Variants in PROCA1 observed in about 807,000 individuals in gnomAD.
The protein encoded by PROCA1 is protein PROCA1.
Under a neutral mutation model 23.2 loss-of-function variants are expected in PROCA1, and 22 were observed. That is an observed-to-expected ratio of 0.95 (90% CI 0.68 to 1.35). The LOEUF (loss-of-function observed/expected upper bound fraction) is 1.35. Ranked by LOEUF, PROCA1 falls within the 40% of genes most tolerant of loss-of-function variation. The pLI, the probability that PROCA1 is intolerant of heterozygous loss-of-function variation, is 0.00. For synonymous variants in PROCA1, 182 were observed against 179.2 expected (o/e 1.02, Z -0.12); for missense variants, 469 against 459.8 (o/e 1.02, Z -0.18).
intron 1 of PROCA1, among the ~76,000 whole-genome samples, chr17:28,708,898 G>A (rs12950047): frequency 0.42 from 64,444 of 151,974 alleles, 16,670 homozygotes; most frequent in Non-Finnish European, 0.57. Flanking sequence ...AGGAGGCTGA[G>A]GTGGGAGGAT....
At position 28,708,794 on chromosome 17, in the gene PROCA1, G is replaced by A. The variant is rs548265999; in HGVS notation, c.92-2031C>T. Among the ~76,000 whole-genome samples, 238 of 150,024 alleles carry A rather than the reference G, an allele frequency of 1.6e-3. 1 individual carries two copies. The highest frequency in any genetic ancestry group is 5.5e-3 in the African/African-American group (225 of 40,826). ...GGGAAGATCACAAGTCCAGGAGTTCGAGACCAGCCTGGGCAACATGGCAAA... is the reference window on the plus strand; with the variant it reads ...GGGAAGATCACAAGTCCAGGAGTTCAAGACCAGCCTGGGCAACATGGCAAA... On this transcript the variant is annotated intron_variant, in intron 1 of 4. Transcript: ENST00000682792.
At position 28,711,456 on chromosome 17, in the gene PROCA1, T is replaced by C. The variant is rs1597743836; in HGVS notation, c.91+114A>G. ...CCCCGGCCCAGCACTGGGCCCCGCCTCTCTCGTTGGTTTGCCCGTCTCCCT... is the reference window on the plus strand; with the variant it reads ...CCCCGGCCCAGCACTGGGCCCCGCCCCTCTCGTTGGTTTGCCCGTCTCCCT... On this transcript the variant is annotated intron_variant, in intron 1 of 4. Coordinates refer to ENST00000682792, the MANE Select transcript of PROCA1 (RefSeq NM_001366301.1). The C allele has an allele frequency of 5.8e-6, 5 of 855,634 alleles. No homozygotes were observed. In the East Asian group the frequency reaches 8.9e-5, roughly 15 times the overall value. 53.0% of individuals were successfully genotyped at this position (855,634 alleles called of 1,614,324 possible). A position where few individuals can be genotyped will look rare whatever the true frequency, so the allele number is the denominator to read the frequency against.
Position 28,703,287 on chromosome 17 carries a change from CAG to C in PROCA1, c.*269_*270del, listed in dbSNP as rs1469502462. ...TTTCACACAGACCAGTCTCTCGCAG[CAG>C]AGAGGGGAAGCCCTCCTTCCCACCC... is the stretch of plus-strand genomic sequence containing the variant. On this transcript the variant is annotated 3_prime_UTR_variant, in exon 5 of 5. Transcript: ENST00000682792. 6.2e-6 allele frequency: 3 copies of C among 483,298 alleles called. No individual in the cohort carries two copies. The highest frequency in any genetic ancestry group is 1.1e-5 in the Non-Finnish European group (3 of 271,950). 29.9% of individuals were successfully genotyped at this position (483,298 alleles called of 1,614,324 possible). A position where few individuals can be genotyped will look rare whatever the true frequency, so the allele number is the denominator to read the frequency against.
intron 1 of PROCA1, chr17:28,707,478 CTT>C (rs2032567512): frequency 6.6e-6 from 1 of 152,238 alleles, no homozygotes; most frequent in South Asian, 2.1e-4. Flanking sequence ...GAATGAATGA[CTT>C]TAAGCACTTC....
In PROCA1 at chr17:28,711,769, G is replaced by GC. The variant is rs2032798864; in HGVS notation, c.-110dup. 1 of 928,038 alleles carries GC rather than the reference G, an allele frequency of 1.1e-6. No homozygotes were observed. Among genetic ancestry groups the GC allele is most frequent in the Non-Finnish European group, 1.5e-6 (1 of 650,582 alleles). The allele number at this position is 928,038 out of a possible 1,614,324, so 57.5% of individuals were successfully genotyped here. The stretch of plus-strand genomic sequence containing the variant: ...AGCCGTGAACTCCAGTCTCGGCTTC[G>GC]CCCCCGCCTAGCCCCTAACCCCGCC... On this transcript the variant is annotated 5_prime_UTR_variant, in exon 1 of 5. The change creates a premature stop within an existing upstream ORF in the 5' untranslated region. Coordinates refer to ENST00000682792, the MANE Select transcript of PROCA1 (RefSeq NM_001366301.1).
chr17:28,703,675 T>G lies in PROCA1; in HGVS notation c.978A>C (p.Ser326=), dbSNP rs563921507. The change falls in exon 5 of 5, where the codon TCA becomes TCC. Residue 326 remains serine, a synonymous_variant. Transcript: ENST00000682792. ...CTGTGTTCTCTCTCTTCCTGGGCGATGATGATTCCACAATATCCTCGCTGG... is the reference window on the plus strand; with the variant it reads ...CTGTGTTCTCTCTCTTCCTGGGCGAGGATGATTCCACAATATCCTCGCTGG... The part of the protein sequence containing the change: ...ELSSEDIVES[S]SPRKRENTVQ... 66 of 1,614,224 alleles carry G rather than the reference T, an allele frequency of 4.1e-5. 1 individual carries two copies. The Middle Eastern group carries it at 8.2e-4, about 20-fold the overall frequency.
Position 28,706,712 on chromosome 17 carries a change from G to T in PROCA1, c.143C>A (p.Ala48Glu). Residue 48 changes from alanine (A) to glutamate (E), a missense_variant, in exon 2 of 5, where the codon GCG (alanine) becomes GAG (glutamate). By Grantham distance (107) the Ala-to-Glu change is moderately radical. Transcript: ENST00000682792. ...GAAGGTAGACACATCAGTGCTGGAC[G>T]CCACACCAGCCAGCAGATGTCCTCT... ...WERGHLLAGV[A>E]SSTDVSTFSE... 7.7e-7 allele frequency: 1 copy of T among 1,303,644 alleles called. No individual in the cohort carries two copies. Among genetic ancestry groups the T allele is most frequent in the Non-Finnish European group, 1.0e-6 (1 of 988,840 alleles). The allele number at this position is 1,303,644 out of a possible 1,614,324, so 80.8% of individuals were successfully genotyped here. A position where few individuals can be genotyped will look rare whatever the true frequency, so the allele number is the denominator to read the frequency against.
In PROCA1 at chr17:28,706,752, A is replaced by G. The variant is rs1264573423; in HGVS notation, c.103T>C (p.Leu35=). ...AGATGTCCTCTCTCCCAGCTGGGTA[A>G]CCTGTTTACATCTGAGAGAGCATAG... ...DESRCRDVNR[L]PSWERGHLLA... is the part of the protein sequence containing the mutation. The change falls in exon 2 of 5, where the codon TTA becomes CTA. Residue 35 remains leucine (L), a synonymous_variant. Coordinates refer to ENST00000682792, the MANE Select transcript of PROCA1 (RefSeq NM_001366301.1). The G allele has an allele frequency of 3.1e-6, 4 of 1,303,260 alleles. No individual in the cohort carries two copies. Among genetic ancestry groups the G allele is most frequent in the Non-Finnish European group, 4.0e-6 (4 of 988,794 alleles). The allele number at this position is 1,303,260 out of a possible 1,614,324, so 80.7% of individuals were successfully genotyped here.
In PROCA1 at chr17:28,711,769, G is replaced by A. The variant is rs2032798681; in HGVS notation, c.-109C>T. On this transcript the variant is annotated 5_prime_UTR_variant, in exon 1 of 5. It introduces an in-frame stop codon into an upstream open reading frame of the 5' UTR. Coordinates refer to ENST00000682792, the MANE Select transcript of PROCA1 (RefSeq NM_001366301.1). ...AGCCGTGAACTCCAGTCTCGGCTTC[G>A]CCCCCGCCTAGCCCCTAACCCCGCC... 3.2e-6 allele frequency: 3 copies of A among 928,036 alleles called. No homozygotes were observed. Among genetic ancestry groups the A allele is most frequent in the South Asian group, 1.8e-5 (1 of 54,128 alleles). 57.5% of individuals were successfully genotyped at this position (928,036 alleles called of 1,614,324 possible).
intron 1 of PROCA1, chr17:28,711,280 T>C (rs1392709398): frequency 3.1e-5 from 19 of 613,736 alleles, no homozygotes; most frequent in African/African-American, 5.7e-5. Context: ...CCCAGTCCGA[T>C]AGCCGAGCGT....
At chr17:28,710,796 AAG>A in intron 1 of PROCA1, 11 of 1,304,012 alleles carry the variant, frequency 8.4e-6, no homozygotes, top group Non-Finnish European at 1.1e-5. Flanking sequence ...GATAGGGTGA[AAG>A]AAAGTGGGAG....
Position 28,703,496 on chromosome 17 carries a change from C to G in PROCA1, c.*62G>C. ...AAACAGCCAGGTTGGAGGGAGAGAA[C>G]AGCAGCAGAGGGCCAGCCACAGGCT... On this transcript the variant is annotated 3_prime_UTR_variant, in exon 5 of 5. Transcript: ENST00000682792. 1.3e-6 allele frequency: 2 copies of G among 1,526,534 alleles called. No homozygotes were observed. The highest frequency in any genetic ancestry group is 1.8e-6 in the Non-Finnish European group (2 of 1,125,912). 94.6% of individuals were successfully genotyped at this position (1,526,534 alleles called of 1,614,324 possible).
At chr17:28,704,558 C>G in intron 3 of PROCA1, 123 bp from the exon 4 acceptor site, 1 of 1,547,108 alleles carries the variant, frequency 6.5e-7, no homozygotes. Context: ...CTCCCCATTT[C>G]TCTTAGAGCA....
In PROCA1 at chr17:28,703,283, G is replaced by A. The variant is rs1022251140; in HGVS notation, c.*275C>T. 19 of 466,040 alleles carry A rather than the reference G, an allele frequency of 4.1e-5. No individual in the cohort carries two copies. The highest frequency in any genetic ancestry group is 7.8e-5 in the African/African-American group (4 of 51,164). 28.9% of individuals were successfully genotyped at this position (466,040 alleles called of 1,614,324 possible). On this transcript the variant is annotated 3_prime_UTR_variant, in exon 5 of 5. Coordinates refer to ENST00000682792, the MANE Select transcript of PROCA1 (RefSeq NM_001366301.1). ...TGGATTTCACACAGACCAGTCTCTCGCAGCAGAGAGGGGAAGCCCTCCTTC... is the reference window on the plus strand; with the variant it reads ...TGGATTTCACACAGACCAGTCTCTCACAGCAGAGAGGGGAAGCCCTCCTTC...
intron 1 of PROCA1, among the ~76,000 whole-genome samples, chr17:28,708,608 G>A (rs1267532317): frequency 1.3e-5 from 2 of 152,002 alleles, no homozygotes; most frequent in African/African-American, 2.4e-5. Flanking sequence ...AGTCTGGGCC[G>A]GGCACGGTGG....
chr17:28,711,449 C>A, intron 1 of PROCA1, 121 bp downstream of exon 1: 1 of 832,502 alleles, frequency 1.2e-6, no homozygotes. Context: ...CAGCACTGGG[C>A]CCCGCCTCTC....
chr17:28,703,990 C>G lies in PROCA1; in HGVS notation c.663G>C (p.Glu221Asp), dbSNP rs931661503. The G allele has an allele frequency of 2.5e-6, 4 of 1,610,558 alleles. No homozygotes were observed. The highest frequency in any genetic ancestry group is 3.4e-6 in the Non-Finnish European group (4 of 1,178,530). The change falls in exon 5 of 5, where the codon GAG becomes GAC. Residue 221 changes from glutamate to aspartate, a missense_variant. By Grantham distance (45) the Glu-to-Asp change is conservative. Transcript: ENST00000682792. ...TGCCCTGACCCTTCCCTGTGGGGCT[C>G]TCAGAGCGCCAGATGGTGATGGGCG... ...STAPITIWRS[E>D]SPTGKGQGSK...
intron 1 of PROCA1, chr17:28,710,805 G>A (rs1008307534): frequency 7.7e-6 from 10 of 1,303,954 alleles, no homozygotes; most frequent in Non-Finnish European, 9.1e-6. Context: ...AAAGAAAGTG[G>A]GAGGCTTATG....
rs776002091 is a variant in PROCA1, at chr17:28,704,385, G to A, written c.362C>T (p.Thr121Ile). ...DSSSSRGAGP[T>I]CSHVIESPCF... ...AGGGGACTCGATGACATGGGAGCAG[G>A]TTGGGCCCGCGCCCCGGGAGCTGCT... The change falls in exon 4 of 5, where the codon ACC becomes ATC. Residue 121 changes from threonine to isoleucine, a missense_variant. Physicochemically the swap from Thr to Ile is moderately conservative, Grantham distance 89. Coordinates refer to ENST00000682792, the MANE Select transcript of PROCA1 (RefSeq NM_001366301.1). The A allele has an allele frequency of 6.2e-7, 1 of 1,614,086 alleles. No homozygotes were observed. Among genetic ancestry groups the A allele is most frequent in the Non-Finnish European group, 8.5e-7 (1 of 1,180,018 alleles).
Sources: allele counts gnomAD v4.1 joint callset (sites outside exome capture counted in the v4.1 genomes callset), GRCh38; gene constraint gnomAD v4.1.1; transcripts MANE v1.5; gene names NCBI Gene and HGNC (gene_info 2026-07-23, HGNC 2026-07-21).